The following FRMD3 variants were observed in gnomAD, a reference collection of about 807,000 sequenced individuals.
FRMD3 encodes the protein FERM domain-containing protein 3.
A neutral mutation model predicts 70.2 loss-of-function variants in FRMD3; 33 were observed. The observed-to-expected ratio is 0.47, with a 90% CI of 0.36 to 0.63. The LOEUF (loss-of-function observed/expected upper bound fraction) is 0.63. Among genes scored for constraint, FRMD3 ranks in the 20% least tolerant of loss-of-function variants. The pLI is 0.00. For synonymous variants in FRMD3, 279 were observed against 255.9 expected (o/e 1.09, Z -0.86); for missense variants, 632 against 711.4 (o/e 0.89, Z 1.27).
At chr9:83,330,324 C>CAA (rs71498045) in intron 6 of FRMD3, among the ~76,000 whole-genome samples, 105 of 98,226 alleles carry the variant, frequency 1.1e-3, no homozygotes, top group Non-Finnish European at 1.8e-3. Context: ...AACTCCATCT[C>CAA]AAAAAAAAAA....
rs534796631 is a variant in FRMD3 at position 83,520,807 on chromosome 9, A to G, written c.147+17278T>C. 3.3e-5 allele frequency among the ~76,000 whole-genome samples: 5 copies of G among 152,066 alleles called. No individual in the cohort carries two copies. The East Asian group carries it at 7.7e-4, about 24-fold the overall frequency. Reference sequence around the variant, plus strand: ...TCTAGCTGGGCTCATGACTACTCTAACAGCTTAATGGGGTAAGTTGCTTTG... The same window carrying G: ...TCTAGCTGGGCTCATGACTACTCTAGCAGCTTAATGGGGTAAGTTGCTTTG... On this transcript the variant is annotated intron_variant, in intron 1 of 13. Coordinates refer to ENST00000304195, the MANE Select transcript of FRMD3 (RefSeq NM_174938.6).
intron 6 of FRMD3, among the ~76,000 whole-genome samples, chr9:83,330,310 G>A (rs537264873): frequency 2.2e-4 from 32 of 145,384 alleles, no homozygotes; most frequent in Non-Finnish European, 4.2e-4. Flanking sequence ...GTTGCGGTGC[G>A]CAAAACTCCA....
chr9:83,568,917 A>AAGATAGAT, the FRMD3 span, among the ~76,000 whole-genome samples: 1,855 of 143,396 alleles, frequency 0.013, 15 homozygotes, highest in East Asian at 0.026. Context: ...CTTGTTAGAA[A>AAGATAGAT]AGATAGATAG....
chr9:83,340,447 G>T (rs1467719181), intron 5 of FRMD3, among the ~76,000 whole-genome samples: 1 of 152,204 alleles, frequency 6.6e-6, no homozygotes, highest in Non-Finnish European at 1.5e-5. Flanking sequence ...GCAGGAGGGA[G>T]CTGCTTTAGC....
upstream of FRMD3, among the ~76,000 whole-genome samples, chr9:83,541,819 G>T (rs983398566): frequency 3.9e-5 from 6 of 152,144 alleles, no homozygotes; most frequent in East Asian, 1.2e-3. Flanking sequence ...GACTCAATTT[G>T]ATCTATAGGA....
At chr9:83,507,887 CAT>C (rs1361404378) in intron 1 of FRMD3, among the ~76,000 whole-genome samples, 2 of 150,796 alleles carry the variant, frequency 1.3e-5, no homozygotes, top group Admixed American at 1.3e-4. Flanking sequence ...GAACCAGTAA[CAT>C]AGTCATTTAT....
chr9:83,300,800 G>C (rs186198656), intron 10 of FRMD3, among the ~76,000 whole-genome samples: 1 of 152,056 alleles, frequency 6.6e-6, no homozygotes, highest in Admixed American at 6.5e-5. Context: ...AAAGATAAGT[G>C]AATGTACAGA....
intron 13 of FRMD3, among the ~76,000 whole-genome samples, chr9:83,272,671 C>T (rs1407334984): frequency 4.8e-5 from 5 of 103,436 alleles, no homozygotes; most frequent in South Asian, 2.5e-4. Flanking sequence ...CGCCTCTGCC[C>T]GGCTGCCCAG....
At chr9:83,443,257 A>G (rs1001238137) in intron 1 of FRMD3, among the ~76,000 whole-genome samples, 1 of 152,172 alleles carries the variant, frequency 6.6e-6, no homozygotes, top group Non-Finnish European at 1.5e-5. Flanking sequence ...TGTCATTTAC[A>G]TTAGGTATTT....
intron 1 of FRMD3, among the ~76,000 whole-genome samples, chr9:83,390,755 A>G (rs1825645108): frequency 6.6e-6 from 1 of 152,230 alleles, no homozygotes; most frequent in Non-Finnish European, 1.5e-5. Context: ...AAAGTCGCTG[A>G]CAGACCCATG....
intron 1 of FRMD3, among the ~76,000 whole-genome samples, chr9:83,402,851 C>T (rs771556461): frequency 2.0e-5 from 3 of 150,678 alleles, no homozygotes; most frequent in Admixed American, 6.6e-5. Flanking sequence ...CAAATTTTCT[C>T]ATAGCCTTGA....
At chr9:83,362,803 TTTC>T (rs1824641287) in intron 3 of FRMD3, among the ~76,000 whole-genome samples, 1 of 65,558 alleles carries the variant, frequency 1.5e-5, no homozygotes, top group Non-Finnish European at 3.0e-5. Flanking sequence ...TTCCTTCCTT[TTTC>T]CTTCCTTCCC....
chr9:83,497,608 CTGTCA>C (rs1415128285), intron 1 of FRMD3, among the ~76,000 whole-genome samples: 1 of 152,214 alleles, frequency 6.6e-6, no homozygotes, highest in Non-Finnish European at 1.5e-5. Context: ...GCAGGGCCAT[CTGTCA>C]TGTACAACCA....
intron 13 of FRMD3, among the ~76,000 whole-genome samples, chr9:83,281,337 A>G (rs567810519): frequency 3.9e-5 from 6 of 152,200 alleles, no homozygotes; most frequent in African/African-American, 1.2e-4. Context: ...GAGAGTGTCT[A>G]TTTATCTAAG....
At chr9:83,564,862 C>T in the FRMD3 span, among the ~76,000 whole-genome samples, 1 of 152,164 alleles carries the variant, frequency 6.6e-6, no homozygotes, top group Non-Finnish European at 1.5e-5. Flanking sequence ...TGCTTTTTAA[C>T]CCCAGGAGGC....
intron 13 of FRMD3, among the ~76,000 whole-genome samples, chr9:83,276,890 A>G (rs959786335): frequency 5.9e-5 from 9 of 152,146 alleles, no homozygotes; most frequent in African/African-American, 2.2e-4. Context: ...TTGCATTTTC[A>G]GTAGAGATGG....
At chr9:83,317,664 T>G (rs980628363) in intron 6 of FRMD3, among the ~76,000 whole-genome samples, 2 of 152,214 alleles carry the variant, frequency 1.3e-5, no homozygotes, top group Non-Finnish European at 2.9e-5. Context: ...AAGTGAATAA[T>G]TTTTCCTTGC....
intron 4 of FRMD3, among the ~76,000 whole-genome samples, chr9:83,345,003 A>T (rs1248979663): frequency 6.6e-6 from 1 of 152,156 alleles, no homozygotes; most frequent in Non-Finnish European, 1.5e-5. Context: ...AGAGAGAGTG[A>T]TTAGTGTGCT....
At chr9:83,570,005 A>T in the FRMD3 span, among the ~76,000 whole-genome samples, 29 of 152,260 alleles carry the variant, frequency 1.9e-4, no homozygotes, top group Admixed American at 1.8e-3. Flanking sequence ...GGATGAATAC[A>T]GAGCTCCTGG....
Sources: gnomAD v4.1 joint callset for allele counts (sites outside exome capture counted in the v4.1 genomes callset) on GRCh38, gnomAD v4.1.1 for gene constraint, MANE v1.5 for transcripts, NCBI Gene and HGNC (gene_info 2026-07-23, HGNC 2026-07-21) for gene names.